The following BANF2 variants were observed in gnomAD, a reference collection of about 807,000 sequenced individuals.
BANF2 encodes the protein barrier-to-autointegration factor-like protein.
BANF2 carries 4 observed loss-of-function variants against 8.0 expected under a neutral mutation model. The ratio of observed to expected loss-of-function variants is 0.50; its 90% CI spans 0.25 to 1.14. The LOEUF (loss-of-function observed/expected upper bound fraction) is 1.14, where lower values mean the gene tolerates loss of function less well. Among genes scored for constraint, BANF2 ranks in the 50% most tolerant of loss-of-function variants. The probability of loss-of-function intolerance (pLI) is 0.16; values close to 1 mark genes in which losing one functional copy is unlikely to be tolerated. For synonymous variants in BANF2, 50 were observed against 40.6 expected (o/e 1.23, Z -0.88); for missense variants, 96 against 107.5 (o/e 0.89, Z 0.47).
At chr20:17,704,292 G>A (rs1702186058) in intron 1 of BANF2, among the ~76,000 whole-genome samples, 2 of 152,236 alleles carry the variant, frequency 1.3e-5, no homozygotes, top group South Asian at 2.1e-4. Context: ...GCCATCTGGG[G>A]TCTAGTTAAG....
intron 2 of BANF2, among the ~76,000 whole-genome samples, chr20:17,723,217 A>G (rs955099644): frequency 6.6e-5 from 10 of 152,206 alleles, no homozygotes; most frequent in African/African-American, 2.4e-4. Flanking sequence ...TGCTGAGCCC[A>G]GAGGTAGAAC....
rs142241483 is a variant in BANF2, at chr20:17,708,575, A to C, written c.-167+8520A>C. 1.6e-3 allele frequency among the ~76,000 whole-genome samples: 238 copies of C among 152,272 alleles called. 4 individuals are homozygous for C. Among genetic ancestry groups the C allele is most frequent in the African/African-American group, 5.5e-3 (228 of 41,560 alleles). On this transcript the variant is annotated intron_variant, in intron 1 of 3. Coordinates refer to ENST00000246090, the MANE Select transcript of BANF2 (RefSeq NM_178477.5). ...CTCAGTCAGCTACACAGTCCATAGC[A>C]CTTTTGTGACCTCCTCAGTGGATGT...
chr20:17,718,049 CAT>C (rs1266805461), intron 1 of BANF2, among the ~76,000 whole-genome samples: 2 of 152,148 alleles, frequency 1.3e-5, no homozygotes, highest in African/African-American at 2.4e-5. Context: ...ATTGAAATAA[CAT>C]ATTACATAAA....
chr20:17,715,728 G>T lies in BANF2; in HGVS notation c.-166-6988G>T, dbSNP rs140863547. The stretch of plus-strand genomic sequence containing the variant: ...CACAAAGCGTGTGCCACAAACACTT[G>T]TTGGATGAGTGAGTGAGTGAATGAG... On this transcript the variant is annotated intron_variant, in intron 1 of 3. Coordinates refer to ENST00000246090, the MANE Select transcript of BANF2 (RefSeq NM_178477.5). Among the ~76,000 whole-genome samples, 114 of 152,302 alleles carry T rather than the reference G, an allele frequency of 7.5e-4. 1 individual carries two copies. The East Asian group carries it at 0.016, about 22-fold the overall frequency.
upstream of BANF2, among the ~76,000 whole-genome samples, chr20:17,697,303 C>G (rs1179067317): frequency 6.6e-6 from 1 of 152,106 alleles, no homozygotes; most frequent in Non-Finnish European, 1.5e-5. Flanking sequence ...CAAATCAGTC[C>G]CCTGGGGGTA....
chr20:17,709,808 G>A (rs1046445998), intron 1 of BANF2, among the ~76,000 whole-genome samples: 1 of 152,256 alleles, frequency 6.6e-6, no homozygotes, highest in African/African-American at 2.4e-5. Flanking sequence ...GGGCAGGTGG[G>A]TGGATGAAAT....
At chr20:17,723,760 C>A (rs553390599) in intron 2 of BANF2, among the ~76,000 whole-genome samples, 235 of 152,218 alleles carry the variant, frequency 1.5e-3, no homozygotes, top group African/African-American at 5.5e-3. Flanking sequence ...TTTGGGAGAC[C>A]GAGGTGGGTG....
In BANF2 at chr20:17,693,692, C is replaced by A. The variant is rs887828993; in HGVS notation, c.4C>A (p.Leu2Met). 3.2e-6 allele frequency: 5 copies of A among 1,551,484 alleles called. No homozygotes were observed. The African/African-American group carries it at 6.8e-5, about 21-fold the overall frequency. Residue 2 changes from leucine (L) to methionine (M), a missense_variant, in exon 1 of 3, where the codon CTG becomes ATG. Physicochemically the swap from Leu to Met is conservative, Grantham distance 15. Transcript: ENST00000545418. Reference sequence around the variant, plus strand: ...CTTTAAAGCAACCCTGCGCTGAATGCTGCGAGGAACAAAGGTAAGGCAGAT... The same window carrying A: ...CTTTAAAGCAACCCTGCGCTGAATGATGCGAGGAACAAAGGTAAGGCAGAT...
chr20:17,719,760 A>T (rs538141595), intron 1 of BANF2, among the ~76,000 whole-genome samples: 1 of 151,170 alleles, frequency 6.6e-6, no homozygotes, highest in South Asian at 2.1e-4. Flanking sequence ...CTTCAAAGCC[A>T]TTGGGGTCAT....
intron 1 of BANF2, among the ~76,000 whole-genome samples, chr20:17,720,996 G>A (rs1028599718): frequency 6.6e-6 from 1 of 152,192 alleles, no homozygotes; most frequent in Non-Finnish European, 1.5e-5. Context: ...CCCCCAGGTG[G>A]TTCGTGCACT....
At chr20:17,732,188 A>C (rs2122655647) in intron 3 of BANF2, among the ~76,000 whole-genome samples, 1 of 152,378 alleles carries the variant, frequency 6.6e-6, no homozygotes, top group Admixed American at 6.5e-5. Flanking sequence ...CGCTGTGTGA[A>C]AACATGGCTC....
In BANF2 at chr20:17,693,790, G is replaced by A. The variant is rs568479402; in HGVS notation, c.18+84G>A. 8.0e-4 allele frequency: 1,182 copies of A among 1,482,588 alleles called. 3 individuals are homozygous for A. The highest frequency in any genetic ancestry group is 3.7e-3 in the Middle Eastern group (17 of 4,580). 91.8% of individuals were successfully genotyped at this position (1,482,588 alleles called of 1,614,324 possible). ...AGGCAAGGACAAATCACCTGGCTAG[G>A]AGAGGTGTGTCCAGTGGGAGGAGGT... On this transcript the variant is annotated intron_variant, in intron 1 of 2. Transcript: ENST00000545418.
At chr20:17,710,257 G>A (rs544345457) in intron 1 of BANF2, among the ~76,000 whole-genome samples, 68 of 152,180 alleles carry the variant, frequency 4.5e-4, no homozygotes, top group Non-Finnish European at 7.8e-4. Flanking sequence ...CAGGGACAGC[G>A]TCTGCTAAAA....
intron 1 of BANF2, among the ~76,000 whole-genome samples, chr20:17,719,844 T>C (rs2122617912): frequency 6.6e-6 from 1 of 152,266 alleles, no homozygotes; most frequent in South Asian, 2.1e-4. Context: ...GCCTGGGAGC[T>C]GCGAGCATGT....
chr20:17,714,514 A>G (rs2037623379), intron 1 of BANF2, among the ~76,000 whole-genome samples: 1 of 152,224 alleles, frequency 6.6e-6, no homozygotes, highest in African/African-American at 2.4e-5. Flanking sequence ...TGGGAGACAG[A>G]GTCATGGGAC....
At chr20:17,731,507 TG>T (rs766244409) in intron 3 of BANF2, 1 of 152,050 alleles carries the variant, frequency 6.6e-6, no homozygotes, top group Non-Finnish European at 1.5e-5. Flanking sequence ...CCCAGCATTA[TG>T]GTGAGTACTG....
chr20:17,713,588 C>T (rs1357684183), intron 1 of BANF2, among the ~76,000 whole-genome samples: 2 of 151,640 alleles, frequency 1.3e-5, no homozygotes, highest in African/African-American at 2.4e-5. Flanking sequence ...AATCCCAGCA[C>T]TTTGGAAAGC....
At chr20:17,711,568 A>G (rs917033960) in intron 1 of BANF2, among the ~76,000 whole-genome samples, 1 of 152,210 alleles carries the variant, frequency 6.6e-6, no homozygotes, top group African/African-American at 2.4e-5. Context: ...AGGGGCACTC[A>G]GCTTCTACCT....
rs757494280 is a variant in BANF2 at position 17,725,190 on chromosome 20, T to A, written c.126+39T>A. On this transcript the variant is annotated intron_variant, in intron 3 of 3. Transcript: ENST00000246090. The stretch of plus-strand genomic sequence containing the variant: ...TCTTACTTCTCTGACTTCTCTTCCC[T>A]ACCTTTCTTCCCCCAGTCCTGCCAG... 6.9e-6 allele frequency: 11 copies of A among 1,585,830 alleles called. 1 individual carries two copies. In the East Asian group the frequency reaches 2.5e-4, roughly 36 times the overall value.
Sources: allele counts gnomAD v4.1 joint callset (sites outside exome capture counted in the v4.1 genomes callset), GRCh38; gene constraint gnomAD v4.1.1; transcripts MANE v1.5; gene names NCBI Gene and HGNC (gene_info 2026-07-23, HGNC 2026-07-21).